The following CCDC169 variants were observed in gnomAD, a reference collection of about 807,000 sequenced individuals.
The protein encoded by CCDC169 is coiled-coil domain containing 169.
Under a neutral mutation model 36.0 loss-of-function variants are expected in CCDC169, and 30 were observed. That is an observed-to-expected ratio of 0.83 (90% CI 0.62 to 1.13). The LOEUF (loss-of-function observed/expected upper bound fraction) is 1.13. Among genes scored for constraint, CCDC169 ranks in the 50% most tolerant of loss-of-function variants. The pLI is 0.00. For missense variants in CCDC169, 245 were observed against 245.9 expected, an observed-to-expected ratio of 1.00 and a Z score of 0.03; for synonymous variants, 85 against 81.5, an observed-to-expected ratio of 1.04 and a Z score of -0.23.
chr13:36,252,776 G>A (rs1873330976), intron 6 of CCDC169, among the ~76,000 whole-genome samples: 1 of 151,986 alleles, frequency 6.6e-6, no homozygotes, highest in Non-Finnish European at 1.5e-5. Context: ...TTTCCTGAGA[G>A]TCATATATCC....
intron 4 of CCDC169, among the ~76,000 whole-genome samples, chr13:36,275,006 C>T (rs1201574345): frequency 6.6e-6 from 1 of 151,838 alleles, no homozygotes; most frequent in Non-Finnish European, 1.5e-5. Flanking sequence ...GCAGCTGGGA[C>T]TACAGGCGCC....
intron 2 of CCDC169, among the ~76,000 whole-genome samples, chr13:36,293,369 T>C (rs945746028): frequency 5.3e-5 from 8 of 152,192 alleles, no homozygotes; most frequent in Non-Finnish European, 2.9e-5. Flanking sequence ...CAAATGGCTT[T>C]ATGTTTAATG....
intron 7 of CCDC169, among the ~76,000 whole-genome samples, chr13:36,232,339 T>C (rs1474578289): frequency 6.6e-6 from 1 of 152,232 alleles, no homozygotes; most frequent in Non-Finnish European, 1.5e-5. Flanking sequence ...CTTACAAAGC[T>C]ATCTTTATTT....
At chr13:36,254,649 T>G (rs1388620157) in intron 4 of CCDC169, among the ~76,000 whole-genome samples, 1 of 152,234 alleles carries the variant, frequency 6.6e-6, no homozygotes, top group Admixed American at 6.5e-5. Flanking sequence ...TGTATTGTAC[T>G]AAGTGTTTTT....
intron 1 of CCDC169, among the ~76,000 whole-genome samples, chr13:36,296,436 G>C (rs1168574217): frequency 1.3e-5 from 2 of 152,144 alleles, no homozygotes; most frequent in African/African-American, 2.4e-5. Context: ...TCCTAAAGAA[G>C]TTAGTTACCT....
chr13:36,276,674 G>C (rs887116674), intron 4 of CCDC169, among the ~76,000 whole-genome samples: 4 of 152,106 alleles, frequency 2.6e-5, no homozygotes, highest in African/African-American at 9.7e-5. Flanking sequence ...ACTAGAGAAA[G>C]AGAAAAATAG....
chr13:36,257,630 G>C (rs1874073386), intron 4 of CCDC169, among the ~76,000 whole-genome samples: 1 of 151,944 alleles, frequency 6.6e-6, no homozygotes. Context: ...TTGAACGCGG[G>C]AGGCGGGGGT....
At chr13:36,279,273 CA>C (rs1043559322) in intron 4 of CCDC169, among the ~76,000 whole-genome samples, 5 of 151,914 alleles carry the variant, frequency 3.3e-5, no homozygotes, top group South Asian at 4.2e-4. Context: ...TTATCATATA[CA>C]AAAAAAATTC....
chr13:36,279,100 GCTAAAAAAAAACCCAC>G (rs1364085479), intron 4 of CCDC169, among the ~76,000 whole-genome samples: 2 of 138,662 alleles, frequency 1.4e-5, no homozygotes, highest in African/African-American at 5.1e-5. Context: ...TACTGCCCAA[GCTAAAAAAAAACCCAC>G]CTTCCCTTAC....
intron 7 of CCDC169, chr13:36,240,797 TTAATACA>T (rs1871715811): frequency 3.5e-6 from 1 of 289,706 alleles, no homozygotes; most frequent in African/African-American, 2.3e-5. Flanking sequence ...TTTTTCATAG[TTAATACA>T]CACCATGGGC....
At chr13:36,229,534 A>C (rs1272803356), downstream of CCDC169, among the ~76,000 whole-genome samples, 1 of 122,634 alleles carries the variant, frequency 8.2e-6, no homozygotes, top group Non-Finnish European at 1.6e-5. Context: ...TAATTATTAT[A>C]ATAATGTTTT....
intron 7 of CCDC169, among the ~76,000 whole-genome samples, chr13:36,238,156 A>C (rs1219390102): frequency 6.6e-6 from 1 of 152,216 alleles, no homozygotes; most frequent in Non-Finnish European, 1.5e-5. Context: ...CTGCTCATTC[A>C]TACAGGCTTT....
chr13:36,243,732 G>A (rs888369704), intron 7 of CCDC169, among the ~76,000 whole-genome samples: 2 of 152,172 alleles, frequency 1.3e-5, no homozygotes, highest in African/African-American at 2.4e-5. Context: ...CTTGAACCCA[G>A]GAGGCAGAGG....
Position 36,297,545 on chromosome 13 carries a change from C to CAGCA in CCDC169, c.83+88_83+91dup, listed in dbSNP as rs919679563. The CAGCA allele has an allele frequency of 5.4e-6, 7 of 1,288,900 alleles. No individual in the cohort carries two copies. The Admixed American group carries it at 1.4e-4, about 26-fold the overall frequency. The allele number at this position is 1,288,900 out of a possible 1,614,324, so 79.8% of individuals were successfully genotyped here. A position where few individuals can be genotyped will look rare whatever the true frequency, so the allele number is the denominator to read the frequency against. ...GGGGTTAATCACGGCGCCGGTCTTA[C>CAGCA]AGCACCCTCAGCGGCTTCAGCCCTG... On this transcript the variant is annotated intron_variant, in intron 1 of 7. Coordinates refer to ENST00000239859, the MANE Select transcript of CCDC169 (RefSeq NM_001144981.3).
intron 1 of CCDC169, among the ~76,000 whole-genome samples, chr13:36,296,633 T>C (rs572018389): frequency 6.6e-6 from 1 of 152,324 alleles, no homozygotes; most frequent in South Asian, 2.1e-4. Flanking sequence ...CAATAAATAT[T>C]TTTGAGTGCC....
chr13:36,272,693 A>G (rs1320898412), intron 4 of CCDC169, among the ~76,000 whole-genome samples: 2 of 152,184 alleles, frequency 1.3e-5, no homozygotes, highest in African/African-American at 4.8e-5. Flanking sequence ...GCAGGAGAAG[A>G]GAGCTGAGAG....
intron 4 of CCDC169, among the ~76,000 whole-genome samples, chr13:36,260,636 G>T (rs1195538953): frequency 6.6e-6 from 1 of 152,140 alleles, no homozygotes; most frequent in Middle Eastern, 3.2e-3. Flanking sequence ...TTGTGATGAG[G>T]AGTATCTAGG....
At chr13:36,267,688 A>T (rs2138542007) in intron 4 of CCDC169, among the ~76,000 whole-genome samples, 1 of 152,316 alleles carries the variant, frequency 6.6e-6, no homozygotes, top group Non-Finnish European at 1.5e-5. Context: ...CAAACCAAAT[A>T]TCTGCTGTCT....
intron 4 of CCDC169, among the ~76,000 whole-genome samples, chr13:36,266,145 T>C (rs1242977524): frequency 6.6e-6 from 1 of 152,154 alleles, no homozygotes; most frequent in African/African-American, 2.4e-5. Flanking sequence ...GAGTAAAGAA[T>C]TATGCTTTCC....
Sources: allele counts gnomAD v4.1 joint callset (sites outside exome capture counted in the v4.1 genomes callset), GRCh38; gene constraint gnomAD v4.1.1; transcripts MANE v1.5; gene names NCBI Gene and HGNC (gene_info 2026-07-23, HGNC 2026-07-21).